Variants in DMD observed in about 807,000 individuals in gnomAD.
DMD encodes dystrophin, also known as mutant dystrophin.
Under a neutral mutation model 330.1 loss-of-function variants are expected in DMD, and 63 were observed. The ratio of observed to expected loss-of-function variants is 0.19; its 90% CI spans 0.16 to 0.24. DMD has a LOEUF of 0.24. DMD is among the 10% of genes least tolerant of loss of function. The probability of loss-of-function intolerance (pLI) is 1.00; values close to 1 mark genes in which losing one functional copy is unlikely to be tolerated. For synonymous variants in DMD, 1,223 were observed against 959.8 expected, an observed-to-expected ratio of 1.27 and a Z score of -5.07; for missense variants, 3,344 against 2,684.1, an observed-to-expected ratio of 1.25 and a Z score of -5.43.
At chrX:31,210,809 G>A (rs2044590284) in intron 64 of DMD, among the ~76,000 whole-genome samples, 1 of 112,299 alleles carries the variant, frequency 8.9e-6, no homozygotes, top group African/African-American at 3.2e-5. Flanking sequence ...GTTATTCATG[G>A]CCAGTTCTAA....
chrX:32,756,643 C>T (rs1329507035), intron 7 of DMD, among the ~76,000 whole-genome samples: 1 of 111,538 alleles, frequency 9.0e-6, no homozygotes, highest in African/African-American at 3.3e-5. Context: ...CAGATCTACA[C>T]ATAGATAGAG....
intron 44 of DMD, among the ~76,000 whole-genome samples, chrX:32,023,350 C>G (rs1223108590): frequency 9.0e-6 from 1 of 110,883 alleles, no homozygotes; most frequent in African/African-American, 3.3e-5. Context: ...AGAAGGAAAC[C>G]AGCATTAGTT....
chrX:33,113,597 C>G (rs867661028), intron 1 of DMD, among the ~76,000 whole-genome samples: 1 of 95,335 alleles, frequency 1.0e-5, no homozygotes, highest in Non-Finnish European at 2.2e-5. Flanking sequence ...CTTGCCCCCC[C>G]CCCCAAAAAA....
chrX:31,873,257 G>A (rs2093919878), intron 48 of DMD, among the ~76,000 whole-genome samples: 1 of 111,837 alleles, frequency 8.9e-6, no homozygotes, highest in Non-Finnish European at 1.9e-5. Flanking sequence ...CTTCCACAGT[G>A]CCATCTGCTC....
At position 32,679,901 on chromosome X, in the gene DMD, A is replaced by AT. The variant is rs1569447513; in HGVS notation, c.960+17968_960+17969insA. On this transcript the variant is annotated intron_variant, in intron 9 of 78. Coordinates refer to ENST00000357033, the MANE Select transcript of DMD (RefSeq NM_004006.3). ...ATGTTCGTTTCGCTCTAATATTTGTACTTTTTTTTTTTTTTTTTTTTTTTT... is the reference window on the plus strand; with the variant it reads ...ATGTTCGTTTCGCTCTAATATTTGTATCTTTTTTTTTTTTTTTTTTTTTTTT... Among the ~76,000 whole-genome samples, 170 of 30,936 alleles carry AT rather than the reference A, an allele frequency of 5.5e-3. 7 individuals are homozygous for AT. Among genetic ancestry groups the AT allele is most frequent in the African/African-American group, 0.021 (158 of 7,604 alleles). The allele number at this position is 30,936 out of a possible 115,157, so 26.9% of individuals were successfully genotyped here. A position where few individuals can be genotyped will look rare whatever the true frequency, so the allele number is the denominator to read the frequency against.
At chrX:31,487,364 C>T (rs1478568585) in intron 57 of DMD, among the ~76,000 whole-genome samples, 2 of 109,851 alleles carry the variant, frequency 1.8e-5, no homozygotes, top group African/African-American at 6.6e-5. Flanking sequence ...AGGTTCACGC[C>T]ATTCTCCTGC....
At position 32,590,093 on chromosome X, in the gene DMD, G is replaced by T. The variant is rs12116156; in HGVS notation, c.1602+5664C>A. Among the ~76,000 whole-genome samples the T allele has an allele frequency of 7.8e-3, 869 of 111,920 alleles. 9 individuals are homozygous for T. The highest frequency in any genetic ancestry group is 0.027 in the African/African-American group (830 of 30,784). On this transcript the variant is annotated intron_variant, in intron 13 of 78. Transcript: ENST00000357033. Reference sequence around the variant, plus strand: ...TTTAATAAGTCTAACAAAATAATTTGTCTTAATACTACCACAAAGTATTTC... The same window carrying T: ...TTTAATAAGTCTAACAAAATAATTTTTCTTAATACTACCACAAAGTATTTC...
intron 44 of DMD, among the ~76,000 whole-genome samples, chrX:32,201,469 AC>A (rs746153568): frequency 0.29 from 13,912 of 47,368 alleles, 911 homozygotes; most frequent in African/African-American, 0.32. Flanking sequence ...AAATTCAAAC[AC>A]CCCCCCCCCC....
intron 1 of DMD, among the ~76,000 whole-genome samples, chrX:33,090,177 G>C (rs943964948): frequency 9.1e-6 from 1 of 109,791 alleles, no homozygotes; most frequent in Non-Finnish European, 1.9e-5. Flanking sequence ...TGTTTGCTTC[G>C]ACTGGCCATC....
At chrX:33,110,452 T>C (rs1285961911) in intron 1 of DMD, among the ~76,000 whole-genome samples, 1 of 111,316 alleles carries the variant, frequency 9.0e-6, no homozygotes, top group Non-Finnish European at 1.9e-5. Flanking sequence ...ATTAATACAT[T>C]AGTTATAAGC....
rs372956974 is a variant in DMD at position 31,312,435 on chromosome X, A to T, written c.9224+11163T>A. ...CCATCTCACACCAGTCAGAATGGTG[A>T]TTATTAAAAAGTCAGGAAACAACAG... On this transcript the variant is annotated intron_variant, in intron 62 of 78. Coordinates refer to ENST00000357033, the MANE Select transcript of DMD (RefSeq NM_004006.3). Among the ~76,000 whole-genome samples the T allele has an allele frequency of 2.7e-5, 3 of 112,544 alleles. No individual in the cohort carries two copies. The East Asian group carries it at 8.3e-4, about 31-fold the overall frequency.
intron 13 of DMD, among the ~76,000 whole-genome samples, chrX:32,576,365 C>T (rs750487249): frequency 9.0e-6 from 1 of 111,346 alleles, no homozygotes; most frequent in South Asian, 3.8e-4. Context: ...AAACCCTTCA[C>T]AGTTTTTCTT....
chrX:31,668,355 A>G (rs1250779424), intron 53 of DMD, among the ~76,000 whole-genome samples: 1 of 110,929 alleles, frequency 9.0e-6, no homozygotes, highest in South Asian at 3.7e-4. Context: ...GTATTCCTAC[A>G]TTTTCTTAGA....
intron 60 of DMD, among the ~76,000 whole-genome samples, chrX:31,383,090 C>A (rs1286604018): frequency 9.0e-6 from 1 of 111,237 alleles, no homozygotes; most frequent in African/African-American, 3.3e-5. Flanking sequence ...CCGGTCCTTG[C>A]CTTAACTGAT....
chrX:32,499,146 G>A (rs889338741), intron 19 of DMD, among the ~76,000 whole-genome samples: 16 of 111,481 alleles, frequency 1.4e-4, no homozygotes, highest in African/African-American at 5.2e-4. Flanking sequence ...CATTCTAAAA[G>A]CAAACTGATG....
At position 32,523,512 on chromosome X, in the gene DMD, G is replaced by A. The variant is rs1020469129; in HGVS notation, c.2169-5381C>T. 2.2e-4 allele frequency among the ~76,000 whole-genome samples: 25 copies of A among 112,429 alleles called. No individual in the cohort carries two copies. The Admixed American group carries it at 2.3e-3, about 11-fold the overall frequency. ...TCATTCAAGTGGGGTCCTACCCCATGTGTAGGAGGAAGGAATTCTACACAG... is the reference window on the plus strand; with the variant it reads ...TCATTCAAGTGGGGTCCTACCCCATATGTAGGAGGAAGGAATTCTACACAG... On this transcript the variant is annotated intron_variant, in intron 17 of 78. Coordinates refer to ENST00000357033, the MANE Select transcript of DMD (RefSeq NM_004006.3).
At chrX:32,188,348 C>T (rs769236206) in intron 44 of DMD, among the ~76,000 whole-genome samples, 2 of 107,123 alleles carry the variant, frequency 1.9e-5, no homozygotes. Context: ...GTCTTCCAGG[C>T]TTCCTGACTT....
At position 32,386,435 on chromosome X, in the gene DMD, A is replaced by T; in HGVS notation, c.4549T>A (p.Ser1517Thr). ...NLYKSLSEVK[S>T]EVEMVIKTGR... Reference sequence around the variant, plus strand: ...GTCTTTATCACCATTTCCACTTCAGACTTCACTTCACTCAGACTTTTATAC... The same window carrying T: ...GTCTTTATCACCATTTCCACTTCAGTCTTCACTTCACTCAGACTTTTATAC... The change falls in exon 33 of 79, where the codon TCT (serine) becomes ACT (threonine). Residue 1517 changes from serine (S) to threonine (T), a missense_variant. Coordinates refer to ENST00000357033, the MANE Select transcript of DMD (RefSeq NM_004006.3). 1 of 1,206,772 alleles carries T rather than the reference A, an allele frequency of 8.3e-7. No homozygotes were observed. Among genetic ancestry groups the T allele is most frequent in the Non-Finnish European group, 1.1e-6 (1 of 891,872 alleles).
rs142502469 is a variant in DMD, at chrX:32,074,273, C to A, written c.6439-105759G>T. ...ACATCCTTTTAAATTTCCCCGAACC[C>A]TAGTGCATGGGAACAATATACAGTA... On this transcript the variant is annotated intron_variant, in intron 44 of 78. Coordinates refer to ENST00000357033, the MANE Select transcript of DMD (RefSeq NM_004006.3). 4.0e-3 allele frequency among the ~76,000 whole-genome samples: 449 copies of A among 111,516 alleles called. 5 individuals carry two copies. The highest frequency in any genetic ancestry group is 0.014 in the African/African-American group (419 of 30,683).
Sources: gnomAD v4.1 joint callset for allele counts (sites outside exome capture counted in the v4.1 genomes callset) on GRCh38, gnomAD v4.1.1 for gene constraint, MANE v1.5 for transcripts, NCBI Gene and HGNC (gene_info 2026-07-23, HGNC 2026-07-21) for gene names.